The following SSBP3 variants were observed in gnomAD, a reference collection of about 807,000 sequenced individuals.
SSBP3 encodes single stranded DNA binding protein 3, also known as single-stranded DNA-binding protein 3.
In SSBP3, 5 loss-of-function variants were observed where a neutral mutation model predicts 69.6. That is an observed-to-expected ratio of 0.07 (90% CI 0.04 to 0.15). SSBP3 has a LOEUF of 0.15. Ranked by LOEUF, SSBP3 falls within the 10% of genes least tolerant of loss-of-function variation. The probability of loss-of-function intolerance (pLI) is 1.00; values close to 1 mark genes in which losing one functional copy is unlikely to be tolerated. For synonymous variants in SSBP3, 196 were observed against 193.4 expected (o/e 1.01, Z -0.11); for missense variants, 312 against 534.0 (o/e 0.58, Z 4.10).
Position 54,245,550 on chromosome 1 carries a change from C to T in SSBP3, c.652-2251G>A, listed in dbSNP as rs557974497. Among the ~76,000 whole-genome samples the T allele has an allele frequency of 3.3e-5, 5 of 152,306 alleles. No homozygotes were observed. The East Asian group carries it at 7.7e-4, about 24-fold the overall frequency. ...CTCACCACCCTGGGGCCACCTGCTC[C>T]GCTTGCTCAGCCACAGAGAGGCTTG... On this transcript the variant is annotated intron_variant, in intron 9 of 17. Coordinates refer to ENST00000610401, the Ensembl canonical transcript of SSBP3.
intron 4 of SSBP3, among the ~76,000 whole-genome samples, chr1:54,297,125 C>CA (rs1329167067): frequency 6.6e-6 from 1 of 152,170 alleles, no homozygotes; most frequent in Non-Finnish European, 1.5e-5. Flanking sequence ...ACTCACATAC[C>CA]ACCCACCACC....
chr1:54,319,891 C>G (rs1646182992), intron 4 of SSBP3, among the ~76,000 whole-genome samples: 1 of 152,152 alleles, frequency 6.6e-6, no homozygotes, highest in Non-Finnish European at 1.5e-5. Context: ...AATGAAGCAA[C>G]CACAAAGACT....
intron 4 of SSBP3, among the ~76,000 whole-genome samples, chr1:54,351,284 A>G (rs1646777184): frequency 6.6e-6 from 1 of 152,204 alleles, no homozygotes; most frequent in Non-Finnish European, 1.5e-5. Context: ...CCTTCCTCCT[A>G]CTTTTCAAAA....
chr1:54,395,395 C>T (rs1054377378), intron 4 of SSBP3, among the ~76,000 whole-genome samples: 4 of 152,250 alleles, frequency 2.6e-5, no homozygotes, highest in Admixed American at 2.6e-4. Context: ...TGCATGCCCT[C>T]TGGGCCTTAC....
At chr1:54,358,051 G>A (rs1357992175) in intron 4 of SSBP3, among the ~76,000 whole-genome samples, 3 of 152,216 alleles carry the variant, frequency 2.0e-5, no homozygotes, top group East Asian at 1.9e-4. Context: ...ATAGCCCTCT[G>A]CAGCATCTGG....
chr1:54,334,099 A>T (rs1201223945), intron 4 of SSBP3, among the ~76,000 whole-genome samples: 1 of 151,826 alleles, frequency 6.6e-6, no homozygotes, highest in Non-Finnish European at 1.5e-5. Context: ...TATGCCCATA[A>T]TCCCAGCACT....
chr1:54,413,177 C>T (rs1281858838), intron 1 of SSBP3: 1 of 152,266 alleles, frequency 6.6e-6, no homozygotes, highest in Non-Finnish European at 1.5e-5. Flanking sequence ...GGGCTCCACT[C>T]TCTCCTGGTT....
chr1:54,366,869 G>C (rs1376195656), intron 4 of SSBP3, among the ~76,000 whole-genome samples: 3 of 152,126 alleles, frequency 2.0e-5, no homozygotes, highest in Non-Finnish European at 2.9e-5. Context: ...CCGAAAGCTT[G>C]GTAAGAAGTG....
chr1:54,343,145 G>A (rs569857778), intron 4 of SSBP3, among the ~76,000 whole-genome samples: 14 of 152,346 alleles, frequency 9.2e-5, no homozygotes, highest in Admixed American at 3.9e-4. Flanking sequence ...GTGGGGGGAA[G>A]AGGGGAGGCT....
At chr1:54,400,655 T>C (rs1017048831) in intron 4 of SSBP3, among the ~76,000 whole-genome samples, 1 of 152,232 alleles carries the variant, frequency 6.6e-6, no homozygotes, top group African/African-American at 2.4e-5. Flanking sequence ...TCCAAGAGCA[T>C]TAACTTTTCA....
chr1:54,353,134 C>A (rs1646809355), intron 4 of SSBP3, among the ~76,000 whole-genome samples: 1 of 152,218 alleles, frequency 6.6e-6, no homozygotes, highest in East Asian at 1.9e-4. Context: ...TCCCCACACA[C>A]CCCTGCCACA....
intron 4 of SSBP3, among the ~76,000 whole-genome samples, chr1:54,385,932 G>A (rs1648046268): frequency 6.6e-6 from 1 of 152,098 alleles, no homozygotes; most frequent in Non-Finnish European, 1.5e-5. Context: ...ATATTCATCA[G>A]ACACAAAAAG....
chr1:54,248,813 C>A lies in SSBP3; in HGVS notation c.651+2803G>T, dbSNP rs141594218. 3.9e-5 allele frequency among the ~76,000 whole-genome samples: 6 copies of A among 152,316 alleles called. No homozygotes were observed. In the South Asian group the frequency reaches 1.2e-3, roughly 32 times the overall value. On this transcript the variant is annotated intron_variant, in intron 9 of 17. Transcript: ENST00000610401. ...GTTTGGCTCTGGGATTTAATACTCA[C>A]CCTACCCAGAGGAGTATAGGAAACA...
At chr1:54,289,037 CAAAAAAACAAA>C (rs1645552103) in intron 4 of SSBP3, among the ~76,000 whole-genome samples, 1 of 62,060 alleles carries the variant, frequency 1.6e-5, no homozygotes, top group Non-Finnish European at 3.0e-5. Flanking sequence ...AAAAAAAAAA[CAAAAAAACAAA>C]AAAAAAAAAC....
chr1:54,249,477 T>C (rs1267469162), intron 9 of SSBP3, among the ~76,000 whole-genome samples: 2 of 151,978 alleles, frequency 1.3e-5, no homozygotes, highest in African/African-American at 4.8e-5. Context: ...GGGGGATCAC[T>C]TGAGCCCAGG....
intron 4 of SSBP3, among the ~76,000 whole-genome samples, chr1:54,292,025 G>A (rs1003715141): frequency 4.6e-5 from 7 of 152,184 alleles, no homozygotes; most frequent in Admixed American, 1.3e-4. Context: ...TACCCACTAG[G>A]TGGGTGCTGA....
chr1:54,302,572 G>C (rs1223318141), intron 4 of SSBP3, among the ~76,000 whole-genome samples: 1 of 152,040 alleles, frequency 6.6e-6, no homozygotes, highest in Non-Finnish European at 1.5e-5. Flanking sequence ...TTTAATATTT[G>C]TTTCTTTCTC....
At chr1:54,364,627 A>G (rs1275585651) in intron 4 of SSBP3, among the ~76,000 whole-genome samples, 9 of 152,224 alleles carry the variant, frequency 5.9e-5, no homozygotes, top group Admixed American at 5.9e-4. Context: ...AAAAATGGGG[A>G]GGGGAAGAAG....
intron 4 of SSBP3, among the ~76,000 whole-genome samples, chr1:54,383,349 G>A (rs1647824636): frequency 6.6e-6 from 1 of 151,592 alleles, no homozygotes. Context: ...CTGCACTCCA[G>A]CCTGGGTGAC....
Sources: gnomAD v4.1 joint callset for allele counts (sites outside exome capture counted in the v4.1 genomes callset) on GRCh38, gnomAD v4.1.1 for gene constraint, MANE v1.5 for transcripts, NCBI Gene and HGNC (gene_info 2026-07-23, HGNC 2026-07-21) for gene names.